RSPO3: variants seen among roughly 807,000 people sequenced by gnomAD.
RSPO3 encodes R-spondin 3.
Under a neutral mutation model 36.5 loss-of-function variants are expected in RSPO3, and 17 were observed. That is an observed-to-expected ratio of 0.47 (90% CI 0.32 to 0.70). RSPO3 has a LOEUF of 0.70. RSPO3 is among the 30% of genes least tolerant of loss of function. The pLI is 0.04. For synonymous variants in RSPO3, 108 were observed against 107.0 expected (o/e 1.01, Z -0.06); for missense variants, 294 against 322.5 (o/e 0.91, Z 0.68).
intron 1 of RSPO3, among the ~76,000 whole-genome samples, chr6:127,147,695 T>A (rs1774415544): frequency 6.6e-6 from 1 of 152,166 alleles, no homozygotes; most frequent in Admixed American, 6.6e-5. Flanking sequence ...TTCATTTCTG[T>A]TTGTTCAGAC....
At chr6:127,185,917 T>C (rs1355990552) in intron 4 of RSPO3, among the ~76,000 whole-genome samples, 6 of 152,168 alleles carry the variant, frequency 3.9e-5, no homozygotes, top group South Asian at 2.1e-4. Context: ...GGAATGAGTA[T>C]AGCAGTGCCA....
intron 4 of RSPO3, among the ~76,000 whole-genome samples, chr6:127,177,555 A>T (rs1775080586): frequency 6.6e-6 from 1 of 151,892 alleles, no homozygotes; most frequent in Non-Finnish European, 1.5e-5. Flanking sequence ...GCTGATCATA[A>T]GACTTAATTT....
At chr6:127,119,389 C>A in intron 1 of RSPO3, 100 bp downstream of exon 1, 2 of 820,650 alleles carry the variant, frequency 2.4e-6, no homozygotes, top group Admixed American at 2.0e-5. Flanking sequence ...AGCGGTCCTC[C>A]CGCCCTGCGC....
At chr6:127,188,550 T>G (rs971479008) in intron 4 of RSPO3, among the ~76,000 whole-genome samples, 4 of 151,932 alleles carry the variant, frequency 2.6e-5, no homozygotes, top group Middle Eastern at 3.4e-3. Flanking sequence ...GGAAAATTAT[T>G]TCTAAATTAG....
chr6:127,142,941 G>C (rs1774308122), intron 1 of RSPO3, among the ~76,000 whole-genome samples: 1 of 150,844 alleles, frequency 6.6e-6, no homozygotes, highest in Non-Finnish European at 1.5e-5. Context: ...TCAGCCTCCT[G>C]AGTAGCTGAG....
At chr6:127,129,536 G>A (rs762663061) in intron 1 of RSPO3, among the ~76,000 whole-genome samples, 2 of 152,056 alleles carry the variant, frequency 1.3e-5, no homozygotes, top group Non-Finnish European at 2.9e-5. Context: ...TCATCACAGC[G>A]AGCTTTAGCC....
intron 4 of RSPO3, among the ~76,000 whole-genome samples, chr6:127,161,027 A>T (rs2114601856): frequency 6.6e-6 from 1 of 151,552 alleles, no homozygotes; most frequent in Admixed American, 6.6e-5. Context: ...CAATTTAATC[A>T]CTGAAACATC....
At position 127,128,542 on chromosome 6, in the gene RSPO3, A is replaced by G. The variant is rs546851545; in HGVS notation, c.97+9253A>G. 3.9e-5 allele frequency among the ~76,000 whole-genome samples: 6 copies of G among 152,270 alleles called. No homozygotes were observed. In the South Asian group the frequency reaches 1.2e-3, roughly 32 times the overall value. On this transcript the variant is annotated intron_variant, in intron 1 of 4. Transcript: ENST00000356698. ...TCAATAATGACTATTGCAGCTAAGC[A>G]ACCACTGAAAACCATGCCAGTTTTG...
Position 127,156,401 on chromosome 6 carries a change from A to G in RSPO3, c.634+963A>G, listed in dbSNP as rs1190396946. ...CTCAGTTGCCGATCTTTAAAATATC[A>G]TTTTTCTATCTTTCTCACTAATGTA... On this transcript the variant is annotated intron_variant, in intron 4 of 4. Coordinates refer to ENST00000356698, the MANE Select transcript of RSPO3 (RefSeq NM_032784.5). Among the ~76,000 whole-genome samples the G allele has an allele frequency of 3.9e-5, 6 of 152,032 alleles. No individual in the cohort carries two copies. The East Asian group carries it at 5.8e-4, about 15-fold the overall frequency.
rs1210969009 is a variant in RSPO3, at chr6:127,198,695, A to T, written c.*2688A>T. ...TCTATCCTCAGATTTAGGTTCTAGT[A>T]GCAGTTGTGTAACCACTAGTGAGTC... On this transcript the variant is annotated 3_prime_UTR_variant, in exon 5 of 5. Transcript: ENST00000356698. Among the ~76,000 whole-genome samples the T allele has an allele frequency of 6.6e-6, 1 of 152,222 alleles. No homozygotes were observed. Among genetic ancestry groups the T allele is most frequent in the African/African-American group, 2.4e-5 (1 of 41,466 alleles).
chr6:127,148,859 T>G lies in RSPO3; in HGVS notation c.289+20T>G. The stretch of plus-strand genomic sequence containing the variant: ...GTACAAGTAAGTGCCCACACGAAAT[T>G]GTATTTTTATCTCATCTTTGGTGAC... On this transcript the variant is annotated intron_variant, in intron 2 of 4. Coordinates refer to ENST00000356698, the MANE Select transcript of RSPO3 (RefSeq NM_032784.5). The G allele has an allele frequency of 6.3e-7, 1 of 1,581,490 alleles. No homozygotes were observed. Among genetic ancestry groups the G allele is most frequent in the African/African-American group, 1.3e-5 (1 of 74,436 alleles).
intron 3 of RSPO3, 139 bp downstream of exon 3, chr6:127,150,711 G>A: frequency 1.4e-6 from 1 of 722,862 alleles, no homozygotes; most frequent in Non-Finnish European, 2.2e-6. Flanking sequence ...TCTTTACAAA[G>A]ATACTCTCTT....
rs536354869 is a variant in RSPO3 at position 127,197,914 on chromosome 6, A to C, written c.*1907A>C. 1 of 164,146 alleles carries C rather than the reference A, an allele frequency of 6.1e-6. No homozygotes were observed. The highest frequency in any genetic ancestry group is 1.3e-5 in the Non-Finnish European group (1 of 75,114). 10.2% of individuals were successfully genotyped at this position (164,146 alleles called of 1,614,324 possible). A position where few individuals can be genotyped will look rare whatever the true frequency, so the allele number is the denominator to read the frequency against. ...CAAGAAGAAACAAACTTTATCCTACAGAATGATGTTAGGTAGAAATATGTC... is the reference window on the plus strand; with the variant it reads ...CAAGAAGAAACAAACTTTATCCTACCGAATGATGTTAGGTAGAAATATGTC... On this transcript the variant is annotated 3_prime_UTR_variant, in exon 5 of 5. Transcript: ENST00000356698.
At chr6:127,143,840 G>A (rs189967357) in intron 1 of RSPO3, among the ~76,000 whole-genome samples, 13 of 152,260 alleles carry the variant, frequency 8.5e-5, no homozygotes, top group Admixed American at 8.5e-4. Flanking sequence ...TACTGTATTA[G>A]TTGATACATC....
At chr6:127,190,898 G>A (rs1194672892) in intron 4 of RSPO3, among the ~76,000 whole-genome samples, 1 of 152,136 alleles carries the variant, frequency 6.6e-6, no homozygotes, top group Non-Finnish European at 1.5e-5. Context: ...GTGAATTACA[G>A]TTGTGATTCT....
intron 1 of RSPO3, among the ~76,000 whole-genome samples, chr6:127,126,098 C>G (rs1229056432): frequency 6.6e-6 from 1 of 151,970 alleles, no homozygotes; most frequent in Non-Finnish European, 1.5e-5. Context: ...TATAAGGACT[C>G]AGGTCTGGGT....
chr6:127,143,109 T>C (rs1250364394), intron 1 of RSPO3, among the ~76,000 whole-genome samples: 1 of 152,072 alleles, frequency 6.6e-6, no homozygotes, highest in African/African-American at 2.4e-5. Context: ...ATATTTATCA[T>C]TTTTTAAAAA....
chr6:127,127,472 T>C (rs1773960505), intron 1 of RSPO3, among the ~76,000 whole-genome samples: 2 of 152,142 alleles, frequency 1.3e-5, no homozygotes, highest in South Asian at 2.1e-4. Context: ...TAAATATGCA[T>C]GTATACTTAC....
intron 4 of RSPO3, among the ~76,000 whole-genome samples, chr6:127,174,392 CT>C (rs1472063282): frequency 1.1e-4 from 16 of 151,944 alleles, no homozygotes; most frequent in African/African-American, 3.9e-4. Context: ...TTAGCATTGC[CT>C]GAGTATTTTT....
Sources: gnomAD v4.1 joint callset for allele counts (sites outside exome capture counted in the v4.1 genomes callset) on GRCh38, gnomAD v4.1.1 for gene constraint, MANE v1.5 for transcripts, NCBI Gene and HGNC (gene_info 2026-07-23, HGNC 2026-07-21) for gene names.